Variants in NPHS2 observed in about 807,000 individuals in gnomAD.
NPHS2 encodes NPHS2 stomatin family member, podocin, also known as podocin.
In NPHS2, 36 loss-of-function variants were observed where a neutral mutation model predicts 37.1. The observed-to-expected ratio is 0.97, with a 90% CI of 0.74 to 1.28. The LOEUF is 1.28. NPHS2 is among the 50% of genes most tolerant of loss of function. The pLI is 0.00. For missense variants in NPHS2, 447 were observed against 488.1 expected (o/e 0.92, Z 0.79); for synonymous variants, 196 against 189.3 (o/e 1.04, Z -0.29).
chr1:179,568,762 A>G (rs911887600), intron 1 of NPHS2, among the ~76,000 whole-genome samples: 21 of 152,082 alleles, frequency 1.4e-4, no homozygotes. Context: ...CTTTGTTCTC[A>G]TTGGTTTCAA....
At chr1:179,566,094 T>G (rs1024439991) in intron 1 of NPHS2, among the ~76,000 whole-genome samples, 1 of 144,338 alleles carries the variant, frequency 6.9e-6, no homozygotes, top group African/African-American at 2.6e-5. Context: ...GTAATGGGAT[T>G]GCTGGGTCAA....
At chr1:179,564,254 G>C (rs1674252131) in intron 2 of NPHS2, among the ~76,000 whole-genome samples, 1 of 152,162 alleles carries the variant, frequency 6.6e-6, no homozygotes, top group Admixed American at 6.5e-5. Flanking sequence ...AATGGACACA[G>C]GTCTTCATTT....
At chr1:179,552,548 C>T in intron 7 of NPHS2, 55 bp downstream of exon 7, 1 of 1,369,286 alleles carries the variant, frequency 7.3e-7, no homozygotes, top group Non-Finnish European at 1.0e-6. Flanking sequence ...GGGAAATGTT[C>T]TCCACGAGCA....
Position 179,551,310 on chromosome 1 carries a change from C to T in NPHS2, c.1015G>A (p.Val339Ile). 6.2e-7 allele frequency: 1 copy of T among 1,614,090 alleles called. No individual in the cohort carries two copies. The highest frequency in any genetic ancestry group is 2.2e-5 in the East Asian group (1 of 44,874). ...SLSTEKPSTV[V>I]LPLPFDLLNC... Reference sequence around the variant, plus strand: ...AGTAGGTCAAATGGCAAAGGTAAAACCACAGTGGAAGGCTTCTCTGTGGAC... The same window carrying T: ...AGTAGGTCAAATGGCAAAGGTAAAATCACAGTGGAAGGCTTCTCTGTGGAC... Residue 339 changes from valine (V) to isoleucine (I), a missense_variant, in exon 8 of 8, where the codon GTT becomes ATT. Physicochemically the swap from Val to Ile is conservative, Grantham distance 29. Transcript: ENST00000367615.
intron 1 of NPHS2, among the ~76,000 whole-genome samples, chr1:179,566,822 A>T (rs146738778): frequency 0.017 from 2,575 of 152,312 alleles, 32 homozygotes; most frequent in Non-Finnish European, 0.026. Context: ...TAAATAGGGA[A>T]TCCTTTCCCC....
rs886043653 is a variant in NPHS2 at position 179,575,769 on chromosome 1, G to T, written c.96C>A (p.Ser32Arg). ...CCTCCTGGCGCCCGCGGCCTCCGCCGCTCCTCTCGGCCTTTGCCCTCTTGT... is the reference window on the plus strand; with the variant it reads ...CCTCCTGGCGCCCGCGGCCTCCGCCTCTCCTCTCGGCCTTTGCCCTCTTGT... ...KENKRAKAER[S>R]GGGRGRQEAG... Residue 32 changes from serine (S) to arginine (R), a missense_variant, in exon 1 of 8, where the codon AGC becomes AGA. By Grantham distance (110) the Ser-to-Arg change is moderately radical. Coordinates refer to ENST00000367615, the MANE Select transcript of NPHS2 (RefSeq NM_014625.4). 8 of 1,496,002 alleles carry T rather than the reference G, an allele frequency of 5.3e-6. No homozygotes were observed. The highest frequency in any genetic ancestry group is 7.1e-6 in the Non-Finnish European group (8 of 1,127,388). 92.7% of individuals were successfully genotyped at this position (1,496,002 alleles called of 1,614,324 possible).
chr1:179,565,934 G>A (rs1039505205), intron 1 of NPHS2, among the ~76,000 whole-genome samples: 2 of 152,126 alleles, frequency 1.3e-5, no homozygotes, highest in Non-Finnish European at 2.9e-5. Flanking sequence ...GTATTCCATG[G>A]TGTATATGTG....
At chr1:179,569,065 G>A (rs968455731) in intron 1 of NPHS2, among the ~76,000 whole-genome samples, 2 of 152,100 alleles carry the variant, frequency 1.3e-5, no homozygotes. Context: ...TGCCTATTAG[G>A]TCTGCTTGTT....
intron 3 of NPHS2, among the ~76,000 whole-genome samples, chr1:179,560,838 A>T (rs945575679): frequency 1.3e-5 from 2 of 152,194 alleles, no homozygotes; most frequent in African/African-American, 4.8e-5. Flanking sequence ...GAGCCACAAG[A>T]AATGCTTAAT....
In NPHS2 at chr1:179,552,751, T is replaced by A. The variant is rs559024683; in HGVS notation, c.795-70A>T. Reference sequence around the variant, plus strand: ...TAGGGGCCAAAGCTTTCACACAGACTTGCAAGCCTCTCTACTGCTGTCTCA... The same window carrying A: ...TAGGGGCCAAAGCTTTCACACAGACATGCAAGCCTCTCTACTGCTGTCTCA... On this transcript the variant is annotated intron_variant, in intron 6 of 7. Coordinates refer to ENST00000367615, the MANE Select transcript of NPHS2 (RefSeq NM_014625.4). 34 of 1,190,762 alleles carry A rather than the reference T, an allele frequency of 2.9e-5. 1 individual carries two copies. In the South Asian group the frequency reaches 4.1e-4, roughly 14 times the overall value. The allele number at this position is 1,190,762 out of a possible 1,614,324, so 73.8% of individuals were successfully genotyped here.
intron 1 of NPHS2, among the ~76,000 whole-genome samples, chr1:179,566,120 C>G (rs1173942152): frequency 2.0e-5 from 3 of 152,212 alleles, no homozygotes; most frequent in African/African-American, 7.2e-5. Flanking sequence ...AATTCTAGTT[C>G]TAGATCCTTG....
chr1:179,575,816 C>G lies in NPHS2; in HGVS notation c.49G>C (p.Gly17Arg). 4 of 1,459,630 alleles carry G rather than the reference C, an allele frequency of 2.7e-6. No individual in the cohort carries two copies. The highest frequency in any genetic ancestry group is 2.7e-6 in the Non-Finnish European group (3 of 1,115,932). 90.4% of individuals were successfully genotyped at this position (1,459,630 alleles called of 1,614,324 possible). A position where few individuals can be genotyped will look rare whatever the true frequency, so the allele number is the denominator to read the frequency against. ...TTGTTCTCCTTGTGCGGAGTCCTGC[C>G]GCCTCGCCCGCGGGACTCCCTGGAG... ...SSSRESRGRG[G>R]RTPHKENKRA... The change falls in exon 1 of 8, where the codon GGC becomes CGC. Residue 17 changes from glycine (G) to arginine (R), a missense_variant. Coordinates refer to ENST00000367615, the MANE Select transcript of NPHS2 (RefSeq NM_014625.4).
intron 1 of NPHS2, among the ~76,000 whole-genome samples, chr1:179,571,783 C>A (rs149088108): frequency 6.6e-6 from 1 of 152,326 alleles, no homozygotes; most frequent in African/African-American, 2.4e-5. Context: ...TGGTGGACAC[C>A]CCACCCCCAG....
intron 1 of NPHS2, 66 bp downstream of exon 1, chr1:179,575,525 C>T: frequency 1.9e-6 from 3 of 1,591,480 alleles, no homozygotes; most frequent in Non-Finnish European, 2.6e-6. Context: ...ATGACCCTTT[C>T]CACCTTATCT....
At position 179,556,897 on chromosome 1, in the gene NPHS2, A is replaced by G. The variant is rs965354503; in HGVS notation, c.738+130T>C. 74 of 849,980 alleles carry G rather than the reference A, an allele frequency of 8.7e-5. No individual in the cohort carries two copies. Among genetic ancestry groups the G allele is most frequent in the Non-Finnish European group, 9.5e-6 (5 of 526,096 alleles). 52.7% of individuals were successfully genotyped at this position (849,980 alleles called of 1,614,324 possible). On this transcript the variant is annotated intron_variant, in intron 5 of 7. Transcript: ENST00000367615. The surrounding 1 kb of genome is among the most constrained non-coding windows in gnomAD (Gnocchi z 4.1). ...GAGTCAATTTGGCAACCTCCTAACT[A>G]GCTATGAGCTCCCAAAGGGATGGCC...
At chr1:179,566,371 G>C (rs1232150822) in intron 1 of NPHS2, among the ~76,000 whole-genome samples, 4 of 152,196 alleles carry the variant, frequency 2.6e-5, no homozygotes, top group Non-Finnish European at 5.9e-5. Flanking sequence ...GTCTTCTTTT[G>C]AGAAGTGTCT....
At chr1:179,564,888 C>A (rs1439308308) in intron 1 of NPHS2, 95 bp from the exon 2 acceptor site, 1 of 991,668 alleles carries the variant, frequency 1.0e-6, no homozygotes, top group Non-Finnish European at 1.6e-6. Context: ...TTGGAGTTGG[C>A]ACAACTTGGA....
intron 2 of NPHS2, among the ~76,000 whole-genome samples, chr1:179,561,949 G>A (rs972367923): frequency 6.6e-6 from 1 of 152,130 alleles, no homozygotes; most frequent in Non-Finnish European, 1.5e-5. Context: ...GGTATTACAG[G>A]TGTAAGCCAC....
intron 1 of NPHS2, among the ~76,000 whole-genome samples, chr1:179,574,992 A>G (rs947316655): frequency 1.3e-5 from 2 of 152,142 alleles, no homozygotes; most frequent in Non-Finnish European, 1.5e-5. Context: ...TATCCTTACC[A>G]CTACCCTCTG....
Sources: gnomAD v4.1 joint callset for allele counts (sites outside exome capture counted in the v4.1 genomes callset) on GRCh38, gnomAD v4.1.1 for gene constraint, Gnocchi (gnomAD v3.1) non-coding constraint, MANE v1.5 for transcripts, NCBI Gene and HGNC (gene_info 2026-07-23, HGNC 2026-07-21) for gene names.